GRIA3: variants seen among roughly 807,000 people sequenced by gnomAD.
The protein encoded by GRIA3 is glutamate receptor 3.
A neutral mutation model predicts 63.0 loss-of-function variants in GRIA3; 3 were observed. The observed-to-expected ratio is 0.05, with a 90% CI of 0.02 to 0.12. The LOEUF (loss-of-function observed/expected upper bound fraction) is 0.12, where lower values mean the gene tolerates loss of function less well. Among genes scored for constraint, GRIA3 ranks in the 10% least tolerant of loss-of-function variants. The pLI, the probability that GRIA3 is intolerant of heterozygous loss-of-function variation, is 1.00. For missense variants in GRIA3, 347 were observed against 700.9 expected (o/e 0.50, Z 5.70); for synonymous variants, 274 against 257.9 (o/e 1.06, Z -0.60).
intron 3 of GRIA3, among the ~76,000 whole-genome samples, chrX:123,301,449 T>C (rs1363153902): frequency 1.8e-5 from 2 of 111,598 alleles, no homozygotes; most frequent in African/African-American, 6.5e-5. Context: ...ATTTAAACTC[T>C]CTATGCCTTA....
At chrX:123,401,811 C>T (rs2045444938) in intron 7 of GRIA3, among the ~76,000 whole-genome samples, 1 of 112,375 alleles carries the variant, frequency 8.9e-6, no homozygotes, top group Admixed American at 9.4e-5. Context: ...AAAAACAATT[C>T]CATTCTTTCA....
intron 5 of GRIA3, among the ~76,000 whole-genome samples, chrX:123,377,986 C>T (rs2045297564): frequency 8.9e-6 from 1 of 112,067 alleles, no homozygotes; most frequent in Non-Finnish European, 1.9e-5. Context: ...TGTCCTCTAT[C>T]GAGATCCTCA....
At chrX:123,186,166 G>A (rs1298474446) in intron 2 of GRIA3, among the ~76,000 whole-genome samples, 176 bp downstream of exon 2, 1 of 111,428 alleles carries the variant, frequency 9.0e-6, no homozygotes, top group Non-Finnish European at 1.9e-5. Flanking sequence ...ACTGCTGAGG[G>A]GCTTAAGACA....
intron 10 of GRIA3, among the ~76,000 whole-genome samples, chrX:123,409,401 G>T (rs1191371161): frequency 1.8e-5 from 2 of 111,979 alleles, no homozygotes; most frequent in African/African-American, 3.2e-5. Context: ...TTATAAATAG[G>T]TTTTTTTCTA....
intron 3 of GRIA3, among the ~76,000 whole-genome samples, chrX:123,256,443 G>A (rs1159832865): frequency 8.9e-6 from 1 of 111,947 alleles, no homozygotes; most frequent in African/African-American, 3.3e-5. Flanking sequence ...TGGCCTCATT[G>A]AGAAGGGGCA....
intron 3 of GRIA3, among the ~76,000 whole-genome samples, chrX:123,282,286 C>T (rs929174272): frequency 2.7e-5 from 3 of 112,311 alleles, no homozygotes; most frequent in South Asian, 3.7e-4. Flanking sequence ...TAGTATTATA[C>T]GGACTACCCT....
At chrX:123,387,825 G>C (rs1361037733) in intron 5 of GRIA3, among the ~76,000 whole-genome samples, 1 of 112,261 alleles carries the variant, frequency 8.9e-6, no homozygotes, top group African/African-American at 3.2e-5. Context: ...GTAGGATACA[G>C]ATTGCTAGTA....
intron 12 of GRIA3, among the ~76,000 whole-genome samples, chrX:123,442,589 G>A (rs1340927417): frequency 9.0e-6 from 1 of 111,576 alleles, no homozygotes; most frequent in Admixed American, 9.5e-5. Flanking sequence ...ATGTTGAATA[G>A]AGGACTCAGT....
intron 3 of GRIA3, among the ~76,000 whole-genome samples, chrX:123,308,974 A>G (rs1207422596): frequency 1.8e-5 from 2 of 112,536 alleles, no homozygotes; most frequent in Non-Finnish European, 3.8e-5. Context: ...CTCAGTGGAG[A>G]GCAATGACCC....
chrX:123,243,838 T>C (rs5958199), intron 2 of GRIA3, among the ~76,000 whole-genome samples: 3 of 110,238 alleles, frequency 2.7e-5, no homozygotes, highest in African/African-American at 9.9e-5. Context: ...TAAAGCCCAC[T>C]CCTGACTCCT....
intron 4 of GRIA3, among the ~76,000 whole-genome samples, chrX:123,338,640 T>TC (rs1397248554): frequency 1.8e-5 from 2 of 111,928 alleles, no homozygotes; most frequent in Non-Finnish European, 3.8e-5. Flanking sequence ...AACCTTCGCC[T>TC]CCCGGGTTCA....
Position 123,395,073 on chromosome X carries a change from C to T in GRIA3, c.856C>T (p.Arg286Cys). Residue 286 changes from arginine (R) to cysteine (C), a missense_variant, in exon 6 of 16, where the codon CGC becomes TGC. Arg to Cys is a radical substitution (Grantham distance 180, BLOSUM62 -3). Transcript: ENST00000620443. ...ENPMVQQFIQRWVRLDEREFP... is the reference protein window; with the variant it reads ...ENPMVQQFIQCWVRLDEREFP... ...CCCTATGGTTCAGCAGTTCATACAGCGCTGGGTGAGGCTGGATGAAAGGGA... is the reference window on the plus strand; with the variant it reads ...CCCTATGGTTCAGCAGTTCATACAGTGCTGGGTGAGGCTGGATGAAAGGGA... 8.3e-7 allele frequency: 1 copy of T among 1,206,804 alleles called. No homozygotes were observed. The highest frequency in any genetic ancestry group is 1.1e-6 in the Non-Finnish European group (1 of 891,121).
chrX:123,267,342 C>A (rs1375718872), intron 3 of GRIA3, among the ~76,000 whole-genome samples: 1 of 111,401 alleles, frequency 9.0e-6, no homozygotes, highest in East Asian at 2.8e-4. Flanking sequence ...CTGGTCCGAC[C>A]AACTTAGAAG....
intron 3 of GRIA3, among the ~76,000 whole-genome samples, chrX:123,301,074 T>C (rs1321949843): frequency 9.0e-6 from 1 of 111,358 alleles, no homozygotes; most frequent in East Asian, 2.8e-4. Context: ...TGCTGAGAAG[T>C]GCTTTACTTC....
intron 13 of GRIA3, among the ~76,000 whole-genome samples, chrX:123,466,442 T>C (rs1569441448): frequency 1.8e-5 from 2 of 112,050 alleles, no homozygotes; most frequent in African/African-American, 3.2e-5. Context: ...CTAACTGTGA[T>C]ACTATATGTG....
At chrX:123,395,220 A>G (rs2045407375) in intron 6 of GRIA3, 91 bp downstream of exon 6, 1 of 825,964 alleles carries the variant, frequency 1.2e-6, no homozygotes, top group Admixed American at 2.2e-5. Context: ...CTTATGATCA[A>G]GTGATTTTCC....
chrX:123,366,813 T>C (rs1039772288), intron 5 of GRIA3, among the ~76,000 whole-genome samples: 1 of 111,565 alleles, frequency 9.0e-6, no homozygotes, highest in African/African-American at 3.3e-5. Flanking sequence ...AAGGGAGTTT[T>C]AGAGATATGA....
intron 2 of GRIA3, among the ~76,000 whole-genome samples, chrX:123,233,665 C>A (rs2044287485): frequency 8.9e-6 from 1 of 111,735 alleles, no homozygotes; most frequent in Non-Finnish European, 1.9e-5. Context: ...CCTGCAGTTA[C>A]CAAATATGCA....
rs1280189166 is a variant in GRIA3 at position 123,210,033 on chromosome X, G to A, written c.268+24043G>A. 2.7e-5 allele frequency among the ~76,000 whole-genome samples: 3 copies of A among 109,455 alleles called. No individual in the cohort carries two copies. The Admixed American group carries it at 2.9e-4, about 11-fold the overall frequency. Reference sequence around the variant, plus strand: ...GGTTTGTTTTTCTCTAGGAGGTGTTGTTGGTTTGGAGAGGCTCATCAACTC... The same window carrying A: ...GGTTTGTTTTTCTCTAGGAGGTGTTATTGGTTTGGAGAGGCTCATCAACTC... On this transcript the variant is annotated intron_variant, in intron 2 of 15. Transcript: ENST00000620443.
Sources: gnomAD v4.1 joint callset for allele counts (sites outside exome capture counted in the v4.1 genomes callset) on GRCh38, gnomAD v4.1.1 for gene constraint, MANE v1.5 for transcripts, NCBI Gene and HGNC (gene_info 2026-07-23, HGNC 2026-07-21) for gene names.